LEKR1: variants seen among roughly 807,000 people sequenced by gnomAD.
LEKR1 encodes leucine, glutamate and lysine rich 1.
LEKR1 carries 59 observed loss-of-function variants against 72.4 expected under a neutral mutation model. The ratio of observed to expected loss-of-function variants is 0.82; its 90% CI spans 0.66 to 1.01. LEKR1 has a LOEUF of 1.01. Among genes scored for constraint, LEKR1 ranks in the 50% least tolerant of loss-of-function variants. LEKR1 has a pLI of 0.00. For missense variants in LEKR1, 728 were observed against 759.2 expected, an observed-to-expected ratio of 0.96 and a Z score of 0.48; for synonymous variants, 257 against 263.2, an observed-to-expected ratio of 0.98 and a Z score of 0.23.
chr3:156,848,315 T>C (rs1198768817), intron 2 of LEKR1, among the ~76,000 whole-genome samples: 1 of 152,166 alleles, frequency 6.6e-6, no homozygotes, highest in African/African-American at 2.4e-5. Flanking sequence ...ACAAATGCCA[T>C]TTCATGTATA....
intron 3 of LEKR1, among the ~76,000 whole-genome samples, chr3:156,855,036 C>G (rs2108539215): frequency 6.6e-6 from 1 of 152,086 alleles, no homozygotes; most frequent in Admixed American, 6.5e-5. Flanking sequence ...TTTTTGTTAC[C>G]AAGAATATGC....
At position 156,918,354 on chromosome 3, in the gene LEKR1, G is replaced by A. The variant is rs549484708; in HGVS notation, c.264-2221G>A. On this transcript the variant is annotated intron_variant, in intron 3 of 12. Coordinates refer to ENST00000356539, the MANE Select transcript of LEKR1 (RefSeq NM_001004316.3). ...TCCATCTGCATGTGCAGCTAAGTAT[G>A]GCCATGTATCTAAGTTCAGTAGAAG... is the stretch of plus-strand genomic sequence containing the variant. Among the ~76,000 whole-genome samples the A allele has an allele frequency of 3.3e-5, 5 of 152,206 alleles. No homozygotes were observed. In the East Asian group the frequency reaches 9.6e-4, roughly 29 times the overall value.
intron 5 of LEKR1, among the ~76,000 whole-genome samples, chr3:156,933,682 G>A (rs1410050238): frequency 6.6e-6 from 1 of 152,066 alleles, no homozygotes; most frequent in African/African-American, 2.4e-5. Context: ...CATTTGTGTT[G>A]CATTATTAAT....
chr3:156,901,559 A>G (rs891060055), intron 3 of LEKR1, among the ~76,000 whole-genome samples: 4 of 152,230 alleles, frequency 2.6e-5, no homozygotes, highest in Non-Finnish European at 5.9e-5. Flanking sequence ...ATGCAATTAC[A>G]ATTTTATCAG....
At chr3:156,899,567 T>TGTATATATACGTATAC (rs1553798000) in intron 3 of LEKR1, among the ~76,000 whole-genome samples, 1 of 96,268 alleles carries the variant, frequency 1.0e-5, no homozygotes, top group African/African-American at 6.8e-5. Flanking sequence ...TACATATACA[T>TGTATATATACGTATAC]GTATATATAC....
rs778208827 is a variant in LEKR1 at position 157,024,740 on chromosome 3, G to A, written c.1204-20G>A. 6.3e-7 allele frequency: 1 copy of A among 1,583,094 alleles called. No homozygotes were observed. Among genetic ancestry groups the A allele is most frequent in the Admixed American group, 1.9e-5 (1 of 52,834 alleles). On this transcript the variant is annotated intron_variant, in intron 10 of 12. Coordinates refer to ENST00000356539, the MANE Select transcript of LEKR1 (RefSeq NM_001004316.3). ...TTAAGGTAAAAATAGTTTTACATGT[G>A]CTTTAAATGCCATTTCTAGATTGAA...
At chr3:156,921,150 C>T (rs1208276468) in intron 4 of LEKR1, 2 of 151,966 alleles carry the variant, frequency 1.3e-5, no homozygotes, top group African/African-American at 4.8e-5. Context: ...TTTATAATAC[C>T]TAAAGATAAA....
At chr3:157,036,041 A>G (rs1035011345) in intron 12 of LEKR1, among the ~76,000 whole-genome samples, 5 of 152,232 alleles carry the variant, frequency 3.3e-5, no homozygotes, top group Admixed American at 6.5e-5. Flanking sequence ...TTAAGGTAAC[A>G]TTTTGGGGAC....
chr3:157,010,188 AT>A (rs917992732), intron 9 of LEKR1, among the ~76,000 whole-genome samples: 11 of 149,992 alleles, frequency 7.3e-5, no homozygotes, highest in African/African-American at 1.5e-4. Context: ...GATATTGTCT[AT>A]TTTTTTTTGT....
At chr3:156,988,359 C>A in intron 7 of LEKR1, 1 of 227,034 alleles carries the variant, frequency 4.4e-6, no homozygotes, top group South Asian at 8.1e-5. Flanking sequence ...GCTGATTAAT[C>A]TGCCAGTTTG....
At chr3:156,899,053 G>C (rs1721500489) in intron 3 of LEKR1, among the ~76,000 whole-genome samples, 1 of 152,008 alleles carries the variant, frequency 6.6e-6, no homozygotes, top group African/African-American at 2.4e-5. Context: ...TGCCAGCTGT[G>C]TGAAAGACAG....
In LEKR1 at chr3:156,982,955, A is replaced by G. The variant is rs141113471; in HGVS notation, c.827+3680A>G. 2.9e-3 allele frequency among the ~76,000 whole-genome samples: 438 copies of G among 152,096 alleles called. 4 individuals are homozygous for G. Among genetic ancestry groups the G allele is most frequent in the African/African-American group, 0.01 (417 of 41,508 alleles). ...CATAGAGAAAGGTCTCCAGCACCTG[A>G]AGCCACTTAAGTGGCTCTATCCTTC... On this transcript the variant is annotated intron_variant, in intron 7 of 12. Coordinates refer to ENST00000356539, the MANE Select transcript of LEKR1 (RefSeq NM_001004316.3).
chr3:157,013,800 C>T (rs1406523963), intron 10 of LEKR1, among the ~76,000 whole-genome samples: 2 of 152,028 alleles, frequency 1.3e-5, no homozygotes, highest in Non-Finnish European at 1.5e-5. Flanking sequence ...CTTCTTGGGT[C>T]ACTGTGCCTT....
At chr3:157,015,485 A>C (rs1733238946) in intron 10 of LEKR1, among the ~76,000 whole-genome samples, 1 of 152,194 alleles carries the variant, frequency 6.6e-6, no homozygotes, top group Non-Finnish European at 1.5e-5. Flanking sequence ...TCACAAGTTG[A>C]GAATACTTAG....
chr3:156,985,171 A>C (rs1251028957), intron 7 of LEKR1, among the ~76,000 whole-genome samples: 1 of 152,196 alleles, frequency 6.6e-6, no homozygotes, highest in Non-Finnish European at 1.5e-5. Flanking sequence ...TTGGAGTAAC[A>C]AGATTGGCAC....
chr3:156,912,252 A>G (rs1489484206), intron 3 of LEKR1, among the ~76,000 whole-genome samples: 2 of 152,154 alleles, frequency 1.3e-5, no homozygotes, highest in Non-Finnish European at 2.9e-5. Flanking sequence ...AGTAGTGTAC[A>G]TTGTACCCAA....
intron 2 of LEKR1, among the ~76,000 whole-genome samples, chr3:156,835,597 TC>T (rs1245805235): frequency 6.6e-6 from 1 of 152,014 alleles, no homozygotes; most frequent in Admixed American, 6.6e-5. Context: ...ATCAGTCCAT[TC>T]CCCAATCCAT....
At chr3:157,018,074 T>C (rs774265314) in intron 10 of LEKR1, among the ~76,000 whole-genome samples, 12 of 151,820 alleles carry the variant, frequency 7.9e-5, no homozygotes, top group Non-Finnish European at 1.6e-4. Flanking sequence ...TATTTAATAA[T>C]GACAAAGGGA....
At chr3:157,018,582 AC>A (rs1216531973) in intron 10 of LEKR1, among the ~76,000 whole-genome samples, 1 of 152,166 alleles carries the variant, frequency 6.6e-6, no homozygotes, top group Admixed American at 6.5e-5. Context: ...CCCTGAGCCC[AC>A]TATGCTGTAC....
Sources: allele counts gnomAD v4.1 joint callset (sites outside exome capture counted in the v4.1 genomes callset), GRCh38; gene constraint gnomAD v4.1.1; transcripts MANE v1.5; gene names NCBI Gene and HGNC (gene_info 2026-07-23, HGNC 2026-07-21).